BTBD3: variants seen among roughly 807,000 people sequenced by gnomAD.
BTBD3 encodes the protein BTB domain containing 3, also known as BTB/POZ domain-containing protein 3.
A neutral mutation model predicts 41.6 loss-of-function variants in BTBD3; 14 were observed. The ratio of observed to expected loss-of-function variants is 0.34; its 90% CI spans 0.22 to 0.53. BTBD3 has a LOEUF of 0.53. Among genes scored for constraint, BTBD3 ranks in the 20% least tolerant of loss-of-function variants. The pLI, the probability that BTBD3 is intolerant of heterozygous loss-of-function variation, is 0.95. For missense variants in BTBD3, 426 were observed against 654.7 expected, an observed-to-expected ratio of 0.65 and a Z score of 3.81; for synonymous variants, 249 against 233.7, an observed-to-expected ratio of 1.07 and a Z score of -0.60.
At chr20:11,922,502 C>G (rs571721509) in intron 3 of BTBD3, 132 bp from the exon 4 acceptor site, 2 of 707,612 alleles carry the variant, frequency 2.8e-6, no homozygotes, top group East Asian at 5.4e-5. Context: ...TTCCTTTACT[C>G]TGCAAATATG....
At chr20:11,890,967 GCCGCGGGCGAGCGGGTCGGCGCCT>G in intron 1 of BTBD3, 4 of 982,994 alleles carry the variant, frequency 4.1e-6, no homozygotes, top group Non-Finnish European at 4.8e-6. Flanking sequence ...GAGTGAGGGC[GCCGCGGGCGAGCGGGTCGGCGCCT>G]CCGCGCGTGC....
chr20:11,915,971 T>C (rs1356712624), upstream of BTBD3, among the ~76,000 whole-genome samples: 1 of 152,224 alleles, frequency 6.6e-6, no homozygotes, highest in African/African-American at 2.4e-5. Flanking sequence ...GTGATGGGTA[T>C]TGAGCCATAT....
intron 1 of BTBD3, among the ~76,000 whole-genome samples, chr20:11,912,411 G>T (rs1402310784): frequency 6.6e-6 from 1 of 152,174 alleles, no homozygotes; most frequent in South Asian, 2.1e-4. Context: ...TGGACATTGG[G>T]TGTGGACCGG....
chr20:11,924,010 G>A lies in BTBD3; in HGVS notation c.*344G>A. ...TTTGGATCACCTTGAATTTCCTTTT[G>A]GACGTTATTTGATGAACAGAAATAA... On this transcript the variant is annotated 3_prime_UTR_variant, in exon 4 of 4. Transcript: ENST00000378226. 4.8e-6 allele frequency: 1 copy of A among 206,372 alleles called. No individual in the cohort carries two copies. The highest frequency in any genetic ancestry group is 9.7e-6 in the Non-Finnish European group (1 of 103,032). The allele number at this position is 206,372 out of a possible 1,614,324, so 12.8% of individuals were successfully genotyped here.
chr20:11,923,048 T>G lies in BTBD3; in HGVS notation c.951T>G (p.Leu317=). The change falls in exon 4 of 4, where the codon CTT becomes CTG. Residue 317 remains leucine, a synonymous_variant. Transcript: ENST00000378226. The surrounding 1 kb of genome is among the most constrained non-coding windows in gnomAD (Gnocchi z 5.3). ...ENKRKVLGKA[L]YLIRIPTMAL... Reference sequence around the variant, plus strand: ...AACGCAAGGTTCTAGGAAAGGCACTTTACTTGATCCGCATACCCACAATGG... The same window carrying G: ...AACGCAAGGTTCTAGGAAAGGCACTGTACTTGATCCGCATACCCACAATGG... 5 of 1,614,066 alleles carry G rather than the reference T, an allele frequency of 3.1e-6. No homozygotes were observed. The highest frequency in any genetic ancestry group is 4.2e-6 in the Non-Finnish European group (5 of 1,180,050).
Position 11,918,589 on chromosome 20 carries a change from C to T in BTBD3, c.314C>T (p.Thr105Ile). 6.3e-7 allele frequency: 1 copy of T among 1,598,726 alleles called. No homozygotes were observed. The highest frequency in any genetic ancestry group is 8.5e-7 in the Non-Finnish European group (1 of 1,174,444). ...PAPNWQGLYP[T>I]IRERNAMMFN... ...CCAAACTGGCAGGGTCTTTATCCCACCATTAGAGAGAGGTAAGTGCCGCGC... is the reference window on the plus strand; with the variant it reads ...CCAAACTGGCAGGGTCTTTATCCCATCATTAGAGAGAGGTAAGTGCCGCGC... Residue 105 changes from threonine to isoleucine, a missense_variant, in exon 1 of 4, where the codon ACC becomes ATC. Thr to Ile is a moderately conservative substitution (Grantham distance 89). This residue lies in a region of BTBD3 where 321 missense variants were observed against 534.8 expected (regional missense o/e 0.60). Coordinates refer to ENST00000378226, the MANE Select transcript of BTBD3 (RefSeq NM_014962.4).
At chr20:11,890,874 GCCCCGGCCGGGGCCT>G (rs2056745646) in exon 1 of BTBD3, 1 of 985,012 alleles carries the variant, frequency 1.0e-6, no homozygotes, top group South Asian at 4.7e-5. Context: ...ATCTCCGAGT[GCCCCGGCCGGGGCCT>G]GAGGAGCGGG....
intron 1 of BTBD3, 108 bp downstream of exon 1, chr20:11,918,709 A>G (rs2056939834): frequency 2.4e-6 from 3 of 1,247,772 alleles, no homozygotes; most frequent in Non-Finnish European, 2.2e-6. Flanking sequence ...CTCTTTTCCC[A>G]GAAGCTTTTT....
At chr20:11,916,808 GA>G (rs2056920944), upstream of BTBD3, among the ~76,000 whole-genome samples, 1 of 152,106 alleles carries the variant, frequency 6.6e-6, no homozygotes, top group African/African-American at 2.4e-5. Context: ...AAATGAGCGT[GA>G]TCCAAATAGA....
At position 11,890,819 on chromosome 20, in the gene BTBD3, A is replaced by AGCGTGCCCT. The variant is rs1037674383; in HGVS notation, c.-254_-246dup. On this transcript the variant is annotated 5_prime_UTR_variant, in exon 1 of 5. Coordinates refer to the BTBD3 transcript ENST00000254977. ...CGGGCACGCGCGCTCGCTCCCGCAGAGCGTGCCCTGCGTGCGGGTGCCCGC... is the reference window on the plus strand; with the variant it reads ...CGGGCACGCGCGCTCGCTCCCGCAGAGCGTGCCCTGCGTGCCCTGCGTGCGGGTGCCCGC... The AGCGTGCCCT allele has an allele frequency of 5.1e-6, 5 of 985,074 alleles. No individual in the cohort carries two copies. The African/African-American group carries it at 8.8e-5, about 17-fold the overall frequency. 61.0% of individuals were successfully genotyped at this position (985,074 alleles called of 1,614,324 possible).
At chr20:11,903,516 A>C (rs1278551845) in intron 1 of BTBD3, among the ~76,000 whole-genome samples, 2 of 152,258 alleles carry the variant, frequency 1.3e-5, no homozygotes, top group East Asian at 3.9e-4. Flanking sequence ...ATGATTTTGC[A>C]CCCTAAATTC....
chr20:11,918,018 T>C lies in BTBD3; in HGVS notation c.-258T>C. The C allele has an allele frequency of 8.3e-7, 1 of 1,211,132 alleles. No homozygotes were observed. Among genetic ancestry groups the C allele is most frequent in the Non-Finnish European group, 1.0e-6 (1 of 974,280 alleles). 75.0% of individuals were successfully genotyped at this position (1,211,132 alleles called of 1,614,324 possible). A position where few individuals can be genotyped will look rare whatever the true frequency, so the allele number is the denominator to read the frequency against. On this transcript the variant is annotated 5_prime_UTR_variant, in exon 1 of 4. Transcript: ENST00000378226. ...TGCAGTGTAGCATTTTCAGGTGATC[T>C]AGGAAACAGTTATTTTTATGAGCAA... is the stretch of plus-strand genomic sequence containing the variant.
At chr20:11,920,152 C>G (rs767444441) in intron 3 of BTBD3, among the ~76,000 whole-genome samples, 57 of 152,182 alleles carry the variant, frequency 3.7e-4, no homozygotes, top group Admixed American at 1.0e-3. Context: ...AAGATGTTCT[C>G]TCTGAAAGCA....
chr20:11,900,483 C>G (rs1368739047), intron 1 of BTBD3, among the ~76,000 whole-genome samples: 1 of 152,076 alleles, frequency 6.6e-6, no homozygotes, highest in African/African-American at 2.4e-5. Flanking sequence ...TTAATGCCAC[C>G]TAATTTCTTC....
chr20:11,917,887 C>A, upstream of BTBD3: 1 of 1,002,894 alleles, frequency 1.0e-6, no homozygotes, highest in Non-Finnish European at 1.2e-6. Context: ...CTCCTCCGAT[C>A]CATTCACCAC....
At chr20:11,900,706 C>CTTTTT (rs33976204) in intron 1 of BTBD3, among the ~76,000 whole-genome samples, 12 of 111,510 alleles carry the variant, frequency 1.1e-4, no homozygotes, top group African/African-American at 4.1e-4. Flanking sequence ...AGTCCACCTA[C>CTTTTT]TTTTTTTTTT....
At chr20:11,900,253 GTT>G (rs1481649383) in intron 1 of BTBD3, among the ~76,000 whole-genome samples, 1 of 152,138 alleles carries the variant, frequency 6.6e-6, no homozygotes, top group Non-Finnish European at 1.5e-5. Context: ...AAATAGTGCT[GTT>G]ACAAATTCAT....
At chr20:11,900,375 A>G (rs2056816424) in intron 1 of BTBD3, among the ~76,000 whole-genome samples, 1 of 152,240 alleles carries the variant, frequency 6.6e-6, no homozygotes, top group Non-Finnish European at 1.5e-5. Flanking sequence ...TAGGCCATTA[A>G]TGGACAGCCC....
At position 11,923,155 on chromosome 20, in the gene BTBD3, C is replaced by G; in HGVS notation, c.1058C>G (p.Thr353Ser). The G allele has an allele frequency of 6.2e-7, 1 of 1,614,208 alleles. No homozygotes were observed. Among genetic ancestry groups the G allele is most frequent in the Non-Finnish European group, 8.5e-7 (1 of 1,180,042 alleles). The change falls in exon 4 of 4, where the codon ACT becomes AGT. Residue 353 changes from threonine (T) to serine (S), a missense_variant. Transcript: ENST00000378226. The surrounding 1 kb of genome is among the most constrained non-coding windows in gnomAD (Gnocchi z 5.3). ...ACCAACGACATCTTCCTCTGGTATA[C>G]TGCAGCCAAAAAGCCTGAGCTTCAG... Reference protein sequence around the residue: ...NETNDIFLWYTAAKKPELQFV... With the variant: ...NETNDIFLWYSAAKKPELQFV...
Sources: allele counts gnomAD v4.1 joint callset (sites outside exome capture counted in the v4.1 genomes callset), GRCh38; gene constraint gnomAD v4.1.1; regional missense constraint gnomAD v4.1.1; non-coding constraint Gnocchi (gnomAD v3.1); transcripts MANE v1.5; gene names NCBI Gene and HGNC (gene_info 2026-07-23, HGNC 2026-07-21).